The following ARHGAP12 variants were observed in gnomAD, a reference collection of about 807,000 sequenced individuals.
ARHGAP12 encodes rho GTPase-activating protein 12.
A neutral mutation model predicts 108.6 loss-of-function variants in ARHGAP12; 64 were observed. That is an observed-to-expected ratio of 0.59 (90% confidence interval 0.48 to 0.73). The LOEUF (loss-of-function observed/expected upper bound fraction) is 0.73. Ranked by LOEUF, ARHGAP12 falls within the 30% of genes least tolerant of loss-of-function variation. The pLI is 0.00. For missense variants in ARHGAP12, 940 were observed against 1,005.9 expected (o/e 0.93, Z 0.89); for synonymous variants, 312 against 337.2 (o/e 0.93, Z 0.82).
rs1279858018 is a variant in ARHGAP12 at position 31,807,707 on chromosome 10, T to C, written c.2492A>G (p.Gln831Arg). 2.5e-6 allele frequency: 4 copies of C among 1,606,050 alleles called. No individual in the cohort carries two copies. In the South Asian group the frequency reaches 4.5e-5, roughly 18 times the overall value. ...TTCCAGAAGAATTAATTCTACAATCTGATTCTGGTACACAGTATGAACTGC... is the reference window on the plus strand; with the variant it reads ...TTCCAGAAGAATTAATTCTACAATCCGATTCTGGTACACAGTATGAACTGC... ...NIAVHTVYQN[Q>R]IVELILLELS... is the part of the protein sequence containing the mutation. Residue 831 changes from glutamine to arginine, a missense_variant, in exon 20 of 20, where the codon CAG (glutamine) becomes CGG (arginine). Gln to Arg is a conservative substitution (Grantham distance 43, BLOSUM62 1). Coordinates refer to ENST00000344936, the MANE Select transcript of ARHGAP12 (RefSeq NM_018287.7).
chr10:31,852,016 C>G (rs995499627), intron 6 of ARHGAP12, among the ~76,000 whole-genome samples: 18 of 152,280 alleles, frequency 1.2e-4, no homozygotes, highest in African/African-American at 4.3e-4. Context: ...AGCCCTGGTA[C>G]ACTTGTCTGG....
At chr10:31,812,562 C>T (rs1447242873) in intron 15 of ARHGAP12, 145 bp downstream of exon 15, 2 of 513,526 alleles carry the variant, frequency 3.9e-6, no homozygotes, top group East Asian at 6.7e-5. Context: ...ATTTTAATTA[C>T]TTAATGTCTT....
chr10:31,851,236 G>C (rs371446998), intron 6 of ARHGAP12, among the ~76,000 whole-genome samples: 5 of 152,172 alleles, frequency 3.3e-5, no homozygotes, highest in African/African-American at 1.2e-4. Flanking sequence ...CAATAAAGTG[G>C]TTTAAAATAT....
intron 16 of ARHGAP12, 98 bp downstream of exon 16, chr10:31,810,551 G>A: frequency 2.6e-6 from 2 of 777,492 alleles, no homozygotes; most frequent in Non-Finnish European, 4.1e-6. Context: ...ACTTCTGTTT[G>A]CATCACTCAA....
chr10:31,809,843 C>A (rs1834949726), intron 16 of ARHGAP12, among the ~76,000 whole-genome samples: 1 of 152,054 alleles, frequency 6.6e-6, no homozygotes, highest in African/African-American at 2.4e-5. Flanking sequence ...GAAACAGAAT[C>A]ATCTGAAATT....
chr10:31,838,323 A>G (rs1210255222), intron 9 of ARHGAP12, among the ~76,000 whole-genome samples: 1 of 152,126 alleles, frequency 6.6e-6, no homozygotes, highest in Non-Finnish European at 1.5e-5. Flanking sequence ...GAGGTGGTGG[A>G]GGCACTCAGG....
Position 31,861,380 on chromosome 10 carries a change from CT to C in ARHGAP12, c.948+14del. The C allele has an allele frequency of 6.3e-7, 1 of 1,584,538 alleles. No individual in the cohort carries two copies. Among genetic ancestry groups the C allele is most frequent in the Non-Finnish European group, 8.5e-7 (1 of 1,169,914 alleles). On this transcript the variant is annotated intron_variant, in intron 4 of 19. Coordinates refer to ENST00000344936, the MANE Select transcript of ARHGAP12 (RefSeq NM_018287.7). ...AAATCTGGTAACTTGCAGTTGATTC[CT>C]TAATTACTCATACCTCTTGATCCCC...
intron 9 of ARHGAP12, among the ~76,000 whole-genome samples, chr10:31,833,134 T>C (rs1047412005): frequency 6.6e-6 from 1 of 151,666 alleles, no homozygotes; most frequent in Non-Finnish European, 1.5e-5. Context: ...GCATAAGATG[T>C]TAAAGAAGAA....
At chr10:31,841,960 T>C (rs563635706) in intron 7 of ARHGAP12, among the ~76,000 whole-genome samples, 15 of 152,102 alleles carry the variant, frequency 9.9e-5, no homozygotes, top group Non-Finnish European at 1.9e-4. Context: ...AAGACATTTC[T>C]ACCAAAAATA....
At chr10:31,924,907 TCA>T (rs1839968488) in intron 1 of ARHGAP12, among the ~76,000 whole-genome samples, 2 of 152,160 alleles carry the variant, frequency 1.3e-5, no homozygotes, top group Admixed American at 6.5e-5. Context: ...CTTTCAGACG[TCA>T]CAGAGTATCT....
At chr10:31,831,379 T>G (rs1278736557) in intron 10 of ARHGAP12, among the ~76,000 whole-genome samples, 1 of 152,152 alleles carries the variant, frequency 6.6e-6, no homozygotes, top group Admixed American at 6.5e-5. Context: ...GACTTAACAC[T>G]GATTGCCTCT....
intron 10 of ARHGAP12, among the ~76,000 whole-genome samples, chr10:31,828,594 T>C (rs995612660): frequency 6.6e-6 from 1 of 152,178 alleles, no homozygotes; most frequent in Non-Finnish European, 1.5e-5. Context: ...CTAGTAGATA[T>C]ATATCTGAGA....
Position 31,925,844 on chromosome 10 carries a change from G to C in ARHGAP12, c.-111+2839C>G, listed in dbSNP as rs560747406. Among the ~76,000 whole-genome samples, 6 of 152,262 alleles carry C rather than the reference G, an allele frequency of 3.9e-5. No homozygotes were observed. The South Asian group carries it at 1.0e-3, about 26-fold the overall frequency. ...AATGCTCTAAGTGTAAAACACACTT[G>C]ATATTTCAAAAAACCTGGTCCAATG... On this transcript the variant is annotated intron_variant, in intron 1 of 19. Transcript: ENST00000344936.
At chr10:31,893,879 C>CCACG (rs1838562177) in intron 3 of ARHGAP12, among the ~76,000 whole-genome samples, 1 of 152,182 alleles carries the variant, frequency 6.6e-6, no homozygotes, top group Non-Finnish European at 1.5e-5. Context: ...TCCAGCAGCA[C>CCACG]ATCAAAAAGC....
chr10:31,827,652 G>A (rs1296616687), intron 10 of ARHGAP12, among the ~76,000 whole-genome samples: 8 of 152,048 alleles, frequency 5.3e-5, no homozygotes, highest in East Asian at 1.9e-4. Flanking sequence ...TTAGCCAGGC[G>A]TGGTGGCGGG....
intron 3 of ARHGAP12, among the ~76,000 whole-genome samples, chr10:31,896,104 G>A (rs1464840416): frequency 5.9e-5 from 9 of 152,070 alleles, no homozygotes; most frequent in South Asian, 4.1e-4. Context: ...TGGGGGGAGC[G>A]GGGAGGGATA....
At chr10:31,838,256 T>G (rs892117483) in intron 9 of ARHGAP12, among the ~76,000 whole-genome samples, 2 of 151,944 alleles carry the variant, frequency 1.3e-5, no homozygotes, top group Non-Finnish European at 2.9e-5. Context: ...TTTGAGGAAC[T>G]GAGAGAAGGG....
intron 7 of ARHGAP12, among the ~76,000 whole-genome samples, chr10:31,840,807 T>C (rs533793263): frequency 1.1e-4 from 17 of 152,252 alleles, no homozygotes; most frequent in Admixed American, 2.0e-4. Flanking sequence ...AAAGTTTACA[T>C]GGAAGCCCTT....
intron 3 of ARHGAP12, among the ~76,000 whole-genome samples, chr10:31,876,690 G>A (rs1054129979): frequency 6.6e-6 from 1 of 152,066 alleles, no homozygotes; most frequent in Non-Finnish European, 1.5e-5. Flanking sequence ...CCTTCCTTAA[G>A]TTCATATAAC....
Sources: allele counts gnomAD v4.1 joint callset (sites outside exome capture counted in the v4.1 genomes callset), GRCh38; gene constraint gnomAD v4.1.1; transcripts MANE v1.5; gene names NCBI Gene and HGNC (gene_info 2026-07-23, HGNC 2026-07-21).